LRFN2: variants seen among roughly 807,000 people sequenced by gnomAD.
LRFN2 encodes leucine-rich repeat and fibronectin type-III domain-containing protein 2.
LRFN2 carries 18 observed loss-of-function variants against 37.3 expected under a neutral mutation model. That is an observed-to-expected ratio of 0.48 (90% CI 0.33 to 0.72). The LOEUF is 0.72. Ranked by LOEUF, LRFN2 falls within the 30% of genes least tolerant of loss-of-function variation. The pLI, the probability that LRFN2 is intolerant of heterozygous loss-of-function variation, is 0.02. For synonymous variants in LRFN2, 556 were observed against 466.6 expected (o/e 1.19, Z -2.47); for missense variants, 1,006 against 1,060.7 (o/e 0.95, Z 0.72).
Position 40,431,788 on chromosome 6 carries a change from G to T in LRFN2, c.1326C>A (p.Val442=). Reference sequence around the variant, plus strand: ...TCTTCACCCGGGGTGCTGACTTGCTGACAGACCACTTGACCAGGGCCGAGG... The same window carrying T: ...TCTTCACCCGGGGTGCTGACTTGCTTACAGACCACTTGACCAGGGCCGAGG... ...TTTSALVKWS[V]SKSAPRVKMY... Residue 442 remains valine, a synonymous_variant, in exon 2 of 3, where the codon GTC becomes GTA. Coordinates refer to ENST00000338305, the MANE Select transcript of LRFN2 (RefSeq NM_020737.3). The T allele has an allele frequency of 6.5e-7, 1 of 1,538,024 alleles. No homozygotes were observed. Among genetic ancestry groups the T allele is most frequent in the South Asian group, 1.3e-5 (1 of 77,990 alleles).
intron 1 of LRFN2, among the ~76,000 whole-genome samples, chr6:40,508,843 CA>C (rs2113883581): frequency 6.6e-6 from 1 of 152,342 alleles, no homozygotes; most frequent in African/African-American, 2.4e-5. Context: ...ACTGTCTTAG[CA>C]CTGACTCTGC....
At chr6:40,505,921 C>T (rs1247155602) in intron 1 of LRFN2, among the ~76,000 whole-genome samples, 2 of 152,204 alleles carry the variant, frequency 1.3e-5, no homozygotes, top group Non-Finnish European at 2.9e-5. Flanking sequence ...CTCAAATGAC[C>T]TTGACATGAG....
intron 2 of LRFN2, among the ~76,000 whole-genome samples, chr6:40,425,715 T>C (rs1763337696): frequency 6.6e-6 from 1 of 152,258 alleles, no homozygotes; most frequent in Non-Finnish European, 1.5e-5. Context: ...GTGGACTGTC[T>C]GTCTCCAGTG....
At chr6:40,577,086 T>TCC (rs1767294653) in intron 1 of LRFN2, among the ~76,000 whole-genome samples, 1 of 133,646 alleles carries the variant, frequency 7.5e-6, no homozygotes. Context: ...CCATTTTCTT[T>TCC]TCTTTTCTTT....
rs561072098 is a variant in LRFN2 at position 40,468,478 on chromosome 6, G to A, written c.-18-35347C>T. On this transcript the variant is annotated intron_variant, in intron 1 of 2. Coordinates refer to ENST00000338305, the MANE Select transcript of LRFN2 (RefSeq NM_020737.3). ...AAGGGGTGTTTGAATGGGCGGAACT[G>A]GGCTCAGATGTAGGTCACAGCCAAG... Among the ~76,000 whole-genome samples the A allele has an allele frequency of 3.9e-5, 6 of 152,278 alleles. No homozygotes were observed. The East Asian group carries it at 1.2e-3, about 29-fold the overall frequency.
chr6:40,554,518 A>T (rs1459610414), intron 1 of LRFN2, among the ~76,000 whole-genome samples: 5 of 152,206 alleles, frequency 3.3e-5, no homozygotes, highest in Admixed American at 1.3e-4. Flanking sequence ...GACAGGGAAC[A>T]GAAAGGTGCC....
At chr6:40,537,825 C>T (rs969639167) in intron 1 of LRFN2, among the ~76,000 whole-genome samples, 1 of 152,004 alleles carries the variant, frequency 6.6e-6, no homozygotes, top group Non-Finnish European at 1.5e-5. Context: ...AGGGAGGGGA[C>T]ATATGAGGGA....
chr6:40,459,064 C>G (rs922196943), intron 1 of LRFN2, among the ~76,000 whole-genome samples: 1 of 152,146 alleles, frequency 6.6e-6, no homozygotes, highest in Non-Finnish European at 1.5e-5. Flanking sequence ...ACGTGGTTTC[C>G]AAGAACTCAT....
At chr6:40,415,384 G>A (rs1485283199) in intron 2 of LRFN2, among the ~76,000 whole-genome samples, 1 of 151,898 alleles carries the variant, frequency 6.6e-6, no homozygotes, top group Non-Finnish European at 1.5e-5. Context: ...TGCCACCATG[G>A]CCAGCTAATT....
At chr6:40,511,921 G>T (rs114211340) in intron 1 of LRFN2, among the ~76,000 whole-genome samples, 1 of 152,206 alleles carries the variant, frequency 6.6e-6, no homozygotes, top group African/African-American at 2.4e-5. Flanking sequence ...GGATGCTCAG[G>T]TGGAAACAGA....
At chr6:40,582,262 G>A (rs1277217570) in intron 1 of LRFN2, among the ~76,000 whole-genome samples, 1 of 151,994 alleles carries the variant, frequency 6.6e-6, no homozygotes, top group African/African-American at 2.4e-5. Flanking sequence ...GTTGTTTCTG[G>A]GCACGTGAAC....
intron 1 of LRFN2, among the ~76,000 whole-genome samples, chr6:40,464,182 C>T (rs1764408923): frequency 6.6e-6 from 1 of 152,174 alleles, no homozygotes; most frequent in African/African-American, 2.4e-5. Context: ...TGAAACCCTC[C>T]AAAGCAAGGA....
At chr6:40,555,295 G>A (rs1315270657) in intron 1 of LRFN2, among the ~76,000 whole-genome samples, 1 of 152,234 alleles carries the variant, frequency 6.6e-6, no homozygotes, top group Non-Finnish European at 1.5e-5. Context: ...GCCCTAGGGG[G>A]ATAGGCACCA....
chr6:40,493,426 G>C (rs1449480212), intron 1 of LRFN2, among the ~76,000 whole-genome samples: 1 of 152,192 alleles, frequency 6.6e-6, no homozygotes, highest in Non-Finnish European at 1.5e-5. Context: ...GCATTCCACT[G>C]TGTGTGGGCA....
chr6:40,487,155 T>C (rs1037675316), intron 1 of LRFN2, among the ~76,000 whole-genome samples: 12 of 152,344 alleles, frequency 7.9e-5, no homozygotes, highest in Admixed American at 2.0e-4. Context: ...CAGGGATTAA[T>C]TCTGGGTCCC....
At chr6:40,541,506 T>G (rs1561901254) in intron 1 of LRFN2, among the ~76,000 whole-genome samples, 1 of 152,080 alleles carries the variant, frequency 6.6e-6, no homozygotes, top group Non-Finnish European at 1.5e-5. Context: ...GGGTGGGTAT[T>G]CACAAGATCC....
At chr6:40,396,209 A>C (rs1010747498) in intron 2 of LRFN2, among the ~76,000 whole-genome samples, 5 of 152,152 alleles carry the variant, frequency 3.3e-5, no homozygotes, top group Non-Finnish European at 7.3e-5. Flanking sequence ...TGTTATTCTC[A>C]TTTCCACTTA....
At chr6:40,527,195 A>G (rs978578924) in intron 1 of LRFN2, among the ~76,000 whole-genome samples, 19 of 152,258 alleles carry the variant, frequency 1.2e-4, no homozygotes, top group Non-Finnish European at 5.9e-5. Flanking sequence ...ATTTTCCAGA[A>G]GCTACCTGAA....
At chr6:40,540,352 G>T (rs999640623) in intron 1 of LRFN2, among the ~76,000 whole-genome samples, 6 of 152,158 alleles carry the variant, frequency 3.9e-5, no homozygotes, top group Non-Finnish European at 7.3e-5. Flanking sequence ...TCTGTAAAAT[G>T]AGTATGTTGA....
Sources: gnomAD v4.1 joint callset for allele counts (sites outside exome capture counted in the v4.1 genomes callset) on GRCh38, gnomAD v4.1.1 for gene constraint, MANE v1.5 for transcripts, NCBI Gene and HGNC (gene_info 2026-07-23, HGNC 2026-07-21) for gene names.